The following SSH2 variants were observed in gnomAD, a reference collection of about 807,000 sequenced individuals.
SSH2 encodes the protein protein phosphatase Slingshot homolog 2.
A neutral mutation model predicts 135.2 loss-of-function variants in SSH2; 37 were observed. The observed-to-expected ratio is 0.27, with a 90% CI of 0.21 to 0.36. The LOEUF (loss-of-function observed/expected upper bound fraction) is 0.36. Among genes scored for constraint, SSH2 ranks in the 10% least tolerant of loss-of-function variants. The pLI is 1.00. For missense variants in SSH2, 1,408 were observed against 1,765.3 expected, an observed-to-expected ratio of 0.80 and a Z score of 3.63; for synonymous variants, 628 against 646.2, an observed-to-expected ratio of 0.97 and a Z score of 0.43.
rs140835966 is a variant in SSH2, at chr17:29,630,497, A to C, written c.*344T>G. 1,039 of 167,530 alleles carry C rather than the reference A, an allele frequency of 6.2e-3. 9 individuals are homozygous for C. Among genetic ancestry groups the C allele is most frequent in the African/African-American group, 0.02 (828 of 42,054 alleles). The allele number at this position is 167,530 out of a possible 1,614,324, so 10.4% of individuals were successfully genotyped here. ...CGAATCTGCTTCCTTCCCTCAATTA[A>C]GAAACCATGCCTTTTCTCAGAGGGC... On this transcript the variant is annotated 3_prime_UTR_variant, in exon 16 of 16. Coordinates refer to ENST00000540801, the MANE Select transcript of SSH2 (RefSeq NM_001282129.2).
At chr17:29,761,095 G>C (rs1227516053) in intron 3 of SSH2, 4 of 1,286,154 alleles carry the variant, frequency 3.1e-6, no homozygotes, top group East Asian at 5.7e-5. Flanking sequence ...AGCGGCTGCT[G>C]AAAGAGCAAA....
intron 3 of SSH2, among the ~76,000 whole-genome samples, chr17:29,756,214 G>A (rs1336216482): frequency 1.3e-5 from 2 of 150,896 alleles, no homozygotes; most frequent in Admixed American, 6.6e-5. Context: ...CGGAGGTTGC[G>A]GTGAGCCCAG....
intron 1 of SSH2, among the ~76,000 whole-genome samples, chr17:29,899,001 G>A (rs1419475555): frequency 6.6e-6 from 1 of 152,036 alleles, no homozygotes; most frequent in Non-Finnish European, 1.5e-5. Context: ...ACATAATCCA[G>A]CATATAAACA....
chr17:29,631,449 T>C lies in SSH2; in HGVS notation c.3745A>G (p.Lys1249Glu). 1 of 1,614,130 alleles carries C rather than the reference T, an allele frequency of 6.2e-7. No individual in the cohort carries two copies. Among genetic ancestry groups the C allele is most frequent in the Non-Finnish European group, 8.5e-7 (1 of 1,180,002 alleles). ...ACACCGGGGCTGTGGCTGAGACTCT[T>C]TATGTTTTCACTACTAGAGCTATGT... ...LPHSSSSENI[K>E]SLSHSPGVVK... The change falls in exon 16 of 16, where the codon AAG (lysine) becomes GAG (glutamate). Residue 1249 changes from lysine (K) to glutamate (E), a missense_variant. This residue lies in a region of SSH2 where 1,080 missense variants were observed against 1,144.5 expected (regional missense o/e 0.94). Transcript: ENST00000540801.
At chr17:29,701,215 C>T (rs2038964264) in intron 4 of SSH2, among the ~76,000 whole-genome samples, 1 of 152,104 alleles carries the variant, frequency 6.6e-6, no homozygotes, top group African/African-American at 2.4e-5. Flanking sequence ...TTGTGATCCG[C>T]CCGTCTCAGC....
chr17:29,822,518 C>T lies in SSH2; in HGVS notation c.144+26331G>A, dbSNP rs1170286452. Among the ~76,000 whole-genome samples, 9 of 152,132 alleles carry T rather than the reference C, an allele frequency of 5.9e-5. No homozygotes were observed. In the East Asian group the frequency reaches 7.7e-4, roughly 13 times the overall value. Reference sequence around the variant, plus strand: ...CTGGGACTACAGGCGTGTATCACTACGCCTGGCTCATTTTTAAATTTTTTG... The same window carrying T: ...CTGGGACTACAGGCGTGTATCACTATGCCTGGCTCATTTTTAAATTTTTTG... On this transcript the variant is annotated intron_variant, in intron 2 of 15. Transcript: ENST00000540801.
intron 3 of SSH2, among the ~76,000 whole-genome samples, chr17:29,715,402 C>T (rs561173547): frequency 2.2e-4 from 33 of 152,008 alleles, no homozygotes; most frequent in Non-Finnish European, 2.8e-4. Flanking sequence ...CCCGCCACCA[C>T]GCCCGGCTAA....
intron 3 of SSH2, chr17:29,761,248 C>G: frequency 7.8e-7 from 1 of 1,289,544 alleles, no homozygotes; most frequent in Non-Finnish European, 1.0e-6. Flanking sequence ...GGGGCGCCTT[C>G]CTCTTGCGGG....
intron 2 of SSH2, among the ~76,000 whole-genome samples, chr17:29,848,535 G>C (rs2065486688): frequency 6.6e-6 from 1 of 151,686 alleles, no homozygotes; most frequent in Non-Finnish European, 1.5e-5. Context: ...TGCATGAGGG[G>C]AAAAAAATCC....
chr17:29,928,163 T>C (rs1358677756), intron 1 of SSH2: 1 of 178,626 alleles, frequency 5.6e-6, no homozygotes, highest in Non-Finnish European at 1.2e-5. Context: ...TCAATCGATT[T>C]CTTCAAAATC....
At chr17:29,805,489 C>T (rs912685998) in intron 2 of SSH2, among the ~76,000 whole-genome samples, 4 of 152,082 alleles carry the variant, frequency 2.6e-5, no homozygotes, top group East Asian at 1.9e-4. Flanking sequence ...TTAGCTCTGA[C>T]GTTGGTCCGC....
intron 14 of SSH2, chr17:29,643,133 G>A (rs1429607163): frequency 1.5e-5 from 15 of 985,296 alleles, no homozygotes; most frequent in Non-Finnish European, 1.8e-5. Context: ...GCTTCATACA[G>A]TCATAGGAGT....
chr17:29,722,362 T>C (rs2039852883), intron 3 of SSH2, among the ~76,000 whole-genome samples: 1 of 152,030 alleles, frequency 6.6e-6, no homozygotes, highest in Non-Finnish European at 1.5e-5. Flanking sequence ...TGTCTTACTT[T>C]TAAAAAGTTG....
intron 2 of SSH2, among the ~76,000 whole-genome samples, chr17:29,811,155 C>T (rs1265481871): frequency 6.6e-6 from 1 of 152,002 alleles, no homozygotes; most frequent in Non-Finnish European, 1.5e-5. Flanking sequence ...ACCACCACAC[C>T]TGGCTAATTT....
rs1427269395 is a variant in SSH2 at position 29,695,341 on chromosome 17, TTC to T, written c.357+116_357+117del. On this transcript the variant is annotated intron_variant, in intron 5 of 15. Coordinates refer to ENST00000540801, the MANE Select transcript of SSH2 (RefSeq NM_001282129.2). ...TTATTTCACAACACTCCACATTATCTTCTCTCTTACTTCACATAGTTCCCAGC... is the reference window on the plus strand; with the variant it reads ...TTATTTCACAACACTCCACATTATCTTCTCTTACTTCACATAGTTCCCAGC... The T allele has an allele frequency of 2.8e-5, 19 of 677,730 alleles. No individual in the cohort carries two copies. The South Asian group carries it at 3.1e-4, about 11-fold the overall frequency. The allele number at this position is 677,730 out of a possible 1,614,324, so 42.0% of individuals were successfully genotyped here. A position where few individuals can be genotyped will look rare whatever the true frequency, so the allele number is the denominator to read the frequency against.
chr17:29,756,172 C>T (rs895487434), intron 3 of SSH2, among the ~76,000 whole-genome samples: 50 of 151,128 alleles, frequency 3.3e-4, no homozygotes, highest in African/African-American at 1.0e-3. Flanking sequence ...ACTCGGGAGG[C>T]TGAGGCAAAA....
At chr17:29,760,882 C>T (rs1808816614) in intron 3 of SSH2, among the ~76,000 whole-genome samples, 1 of 152,144 alleles carries the variant, frequency 6.6e-6, no homozygotes, top group Non-Finnish European at 1.5e-5. Flanking sequence ...GGACAACCCG[C>T]ACTTTCAAAG....
At chr17:29,882,666 C>T (rs2066160422) in intron 1 of SSH2, among the ~76,000 whole-genome samples, 1 of 152,090 alleles carries the variant, frequency 6.6e-6, no homozygotes, top group African/African-American at 2.4e-5. Context: ...GCAGGAGAAT[C>T]GCTTGAACCC....
chr17:29,878,498 A>G (rs1309516461), intron 1 of SSH2, among the ~76,000 whole-genome samples: 3 of 152,230 alleles, frequency 2.0e-5, no homozygotes, highest in Admixed American at 6.5e-5. Context: ...CTTATTGCCT[A>G]GCATAGTGTG....
Sources: gnomAD v4.1 joint callset for allele counts (sites outside exome capture counted in the v4.1 genomes callset) on GRCh38, gnomAD v4.1.1 for gene constraint, gnomAD v4.1.1 regional missense constraint, MANE v1.5 for transcripts, NCBI Gene and HGNC (gene_info 2026-07-23, HGNC 2026-07-21) for gene names.